IKZF2: variants seen among roughly 807,000 people sequenced by gnomAD.
IKZF2 encodes IKAROS family zinc finger 2, also known as zinc finger protein Helios.
In IKZF2, 15 loss-of-function variants were observed where a neutral mutation model predicts 49.2. The observed-to-expected ratio is 0.30, with a 90% CI of 0.20 to 0.47. The LOEUF is 0.47. Among genes scored for constraint, IKZF2 ranks in the 20% least tolerant of loss-of-function variants. The pLI is 1.00. For synonymous variants in IKZF2, 227 were observed against 221.4 expected, an observed-to-expected ratio of 1.03 and a Z score of -0.23; for missense variants, 567 against 664.6, an observed-to-expected ratio of 0.85 and a Z score of 1.61.
intron 4 of IKZF2, among the ~76,000 whole-genome samples, chr2:213,094,584 G>T (rs1333125682): frequency 6.6e-6 from 1 of 152,118 alleles, no homozygotes; most frequent in African/African-American, 2.4e-5. Context: ...ACACAGGCTG[G>T]TTAGCCAGTT....
intron 4 of IKZF2, among the ~76,000 whole-genome samples, chr2:213,089,978 A>G (rs986258106): frequency 1.3e-5 from 2 of 152,152 alleles, no homozygotes; most frequent in African/African-American, 4.8e-5. Flanking sequence ...GGCCCAGACA[A>G]TACAATATCA....
intron 4 of IKZF2, among the ~76,000 whole-genome samples, chr2:213,094,534 A>T (rs1705743096): frequency 1.3e-5 from 2 of 152,062 alleles, no homozygotes; most frequent in South Asian, 2.1e-4. Context: ...CTGGGAGAGA[A>T]CATCCATGGG....
At chr2:213,093,792 A>G (rs1488214909) in intron 4 of IKZF2, among the ~76,000 whole-genome samples, 1 of 152,198 alleles carries the variant, frequency 6.6e-6, no homozygotes, top group African/African-American at 2.4e-5. Context: ...TCTTCATTGT[A>G]CATCGCATGC....
intron 4 of IKZF2, among the ~76,000 whole-genome samples, chr2:213,106,356 T>C (rs572257649): frequency 1.3e-5 from 2 of 149,834 alleles, no homozygotes; most frequent in East Asian, 3.9e-4. Context: ...AAAAAAAAAA[T>C]GGCTAGGCAC....
intron 6 of IKZF2, among the ~76,000 whole-genome samples, chr2:213,029,368 T>C (rs1352033773): frequency 2.0e-5 from 3 of 152,062 alleles, no homozygotes; most frequent in African/African-American, 7.2e-5. Context: ...ATTCAGAGTG[T>C]ATATTTCTTC....
intron 4 of IKZF2, among the ~76,000 whole-genome samples, chr2:213,079,511 AAAGG>A (rs1268025779): frequency 6.7e-6 from 1 of 149,570 alleles, no homozygotes; most frequent in Non-Finnish European, 1.5e-5. Flanking sequence ...GAGAGAGAAG[AAAGG>A]AAGGAAGGCA....
At chr2:213,024,815 C>T (rs181317403) in intron 6 of IKZF2, among the ~76,000 whole-genome samples, 64 of 152,148 alleles carry the variant, frequency 4.2e-4, no homozygotes, top group African/African-American at 1.5e-3. Flanking sequence ...CCATTTCATA[C>T]TATTTCTTAA....
intron 4 of IKZF2, among the ~76,000 whole-genome samples, chr2:213,090,347 G>A (rs1275893263): frequency 6.6e-6 from 1 of 152,090 alleles, no homozygotes; most frequent in African/African-American, 2.4e-5. Context: ...GGCTGGTAAG[G>A]TCTGTAAACA....
chr2:213,019,412 G>A (rs1343662219), intron 7 of IKZF2, among the ~76,000 whole-genome samples: 9 of 152,098 alleles, frequency 5.9e-5, no homozygotes, highest in Admixed American at 3.9e-4. Flanking sequence ...TATATGAGAC[G>A]TATGTTAATG....
At chr2:213,079,422 A>AGGAAGGAAGGAT (rs1703655841) in intron 4 of IKZF2, among the ~76,000 whole-genome samples, 1 of 142,560 alleles carries the variant, frequency 7.0e-6, no homozygotes, top group Non-Finnish European at 1.5e-5. Context: ...GAAGCATGGA[A>AGGAAGGAAGGAT]GGAAGGAAGG....
In IKZF2 at chr2:213,002,743, A is replaced by G. The variant is rs1695015258; in HGVS notation, c.*4617T>C. ...ATTATTCCATCAATTTTCAATCTCTATTTTCTAACAGATTAGAAAATACAG... is the reference window on the plus strand; with the variant it reads ...ATTATTCCATCAATTTTCAATCTCTGTTTTCTAACAGATTAGAAAATACAG... On this transcript the variant is annotated 3_prime_UTR_variant, in exon 9 of 9. Transcript: ENST00000434687. The G allele has an allele frequency of 6.6e-6, 1 of 151,860 alleles. No individual in the cohort carries two copies. The highest frequency in any genetic ancestry group is 2.1e-4 in the South Asian group (1 of 4,826). 9.4% of individuals were successfully genotyped at this position (151,860 alleles called of 1,614,324 possible).
intron 4 of IKZF2, among the ~76,000 whole-genome samples, chr2:213,090,228 T>C (rs1705146545): frequency 6.6e-6 from 1 of 152,134 alleles, no homozygotes; most frequent in South Asian, 2.1e-4. Flanking sequence ...CACAGGTACA[T>C]GGTGAAGAAG....
intron 4 of IKZF2, among the ~76,000 whole-genome samples, chr2:213,137,502 G>C (rs771041729): frequency 2.0e-4 from 30 of 151,944 alleles, no homozygotes; most frequent in Non-Finnish European, 3.8e-4. Context: ...TGGGTGATCT[G>C]AGCAAGCATT....
intron 6 of IKZF2, among the ~76,000 whole-genome samples, chr2:213,048,242 C>A (rs941701398): frequency 1.3e-5 from 2 of 151,882 alleles, no homozygotes; most frequent in Non-Finnish European, 1.5e-5. Flanking sequence ...AAAATGAGCA[C>A]GATGGCAGTT....
chr2:213,098,462 A>AT (rs111783152), intron 4 of IKZF2, among the ~76,000 whole-genome samples: 21,741 of 152,054 alleles, frequency 0.14, 3,502 homozygotes, highest in African/African-American at 0.4. Flanking sequence ...TAATCAACAA[A>AT]TGATCACCCT....
rs1333415336 is a variant in IKZF2, at chr2:213,001,674, C to A, written c.*5686G>T. ...TAGAAATAAGAGTTGACCTAATCTTCAAACTTTTAGGAGAACAGAGAGGTA... is the reference window on the plus strand; with the variant it reads ...TAGAAATAAGAGTTGACCTAATCTTAAAACTTTTAGGAGAACAGAGAGGTA... On this transcript the variant is annotated 3_prime_UTR_variant, in exon 9 of 9. Coordinates refer to ENST00000434687, the MANE Select transcript of IKZF2 (RefSeq NM_001387220.1). 6.6e-6 allele frequency: 1 copy of A among 151,646 alleles called. No homozygotes were observed. Among genetic ancestry groups the A allele is most frequent in the Non-Finnish European group, 1.5e-5 (1 of 67,468 alleles). The allele number at this position is 151,646 out of a possible 1,614,324, so 9.4% of individuals were successfully genotyped here. A position where few individuals can be genotyped will look rare whatever the true frequency, so the allele number is the denominator to read the frequency against.
chr2:213,066,286 A>C (rs1208348081), intron 4 of IKZF2, among the ~76,000 whole-genome samples: 1 of 152,004 alleles, frequency 6.6e-6, no homozygotes, highest in Non-Finnish European at 1.5e-5. Flanking sequence ...AGAAAGAGAT[A>C]AGGAAGAGAG....
At chr2:213,147,512 T>C (rs1355080860) in intron 4 of IKZF2, 196 bp downstream of exon 4, 1 of 676,192 alleles carries the variant, frequency 1.5e-6, no homozygotes, top group African/African-American at 1.8e-5. Flanking sequence ...CACCTTGGGA[T>C]AGTTCAGACT....
At chr2:213,119,755 C>T (rs1194350692) in intron 4 of IKZF2, among the ~76,000 whole-genome samples, 1 of 152,144 alleles carries the variant, frequency 6.6e-6, no homozygotes, top group Non-Finnish European at 1.5e-5. Context: ...AGGTCACCAT[C>T]ATATATGGAT....
Sources: gnomAD v4.1 joint callset for allele counts (sites outside exome capture counted in the v4.1 genomes callset) on GRCh38, gnomAD v4.1.1 for gene constraint, MANE v1.5 for transcripts, NCBI Gene and HGNC (gene_info 2026-07-23, HGNC 2026-07-21) for gene names.